CDH4: variants seen among roughly 807,000 people sequenced by gnomAD.
CDH4 encodes cadherin 4.
Under a neutral mutation model 86.0 loss-of-function variants are expected in CDH4, and 33 were observed. That is an observed-to-expected ratio of 0.38 (90% CI 0.29 to 0.51). CDH4 has a LOEUF of 0.51. CDH4 is among the 20% of genes least tolerant of loss of function. The probability of loss-of-function intolerance (pLI) is 0.86; values close to 1 mark genes in which losing one functional copy is unlikely to be tolerated. For missense variants in CDH4, 1,114 were observed against 1,307.4 expected (o/e 0.85, Z 2.28); for synonymous variants, 555 against 549.4 (o/e 1.01, Z -0.14).
Position 61,518,981 on chromosome 20 carries a change from CTTCATCCATCCA to C in CDH4, c.170-224572_170-224561del, listed in dbSNP as rs1403446666. On this transcript the variant is annotated intron_variant, in intron 2 of 15. Coordinates refer to ENST00000614565, the MANE Select transcript of CDH4 (RefSeq NM_001794.5). The surrounding 1 kb of genome is among the most constrained non-coding windows in gnomAD (Gnocchi z 6.3). ...TCCATTATTTATCCATCCATCCATC[CTTCATCCATCCA>C]TTCATCCATGCATTCCCAGGATGCA... is the stretch of plus-strand genomic sequence containing the variant. Among the ~76,000 whole-genome samples, 1 of 151,408 alleles carries C rather than the reference CTTCATCCATCCA, an allele frequency of 6.6e-6. No individual in the cohort carries two copies. The highest frequency in any genetic ancestry group is 2.4e-5 in the African/African-American group (1 of 41,016).
intron 3 of CDH4, among the ~76,000 whole-genome samples, chr20:61,772,397 A>C (rs2088785395): frequency 6.6e-6 from 1 of 152,226 alleles, no homozygotes; most frequent in Non-Finnish European, 1.5e-5. Context: ...TTAGATATGC[A>C]TTATTTGATT....
intron 2 of CDH4, among the ~76,000 whole-genome samples, chr20:61,398,296 G>T (rs994962731): frequency 6.6e-6 from 1 of 152,222 alleles, no homozygotes; most frequent in Non-Finnish European, 1.5e-5. Flanking sequence ...GTTCCTGAGA[G>T]CACTGTTAAC....
chr20:61,654,282 A>T (rs2087162910), intron 2 of CDH4, among the ~76,000 whole-genome samples: 1 of 152,216 alleles, frequency 6.6e-6, no homozygotes, highest in Non-Finnish European at 1.5e-5. Flanking sequence ...AAAACCAGTC[A>T]GGCGTGGTGG....
chr20:61,369,728 C>G (rs1169602056), intron 2 of CDH4, among the ~76,000 whole-genome samples: 1 of 150,852 alleles, frequency 6.6e-6, no homozygotes, highest in African/African-American at 2.4e-5. Context: ...AAAGTTAAAA[C>G]CAACCAAAAA....
chr20:61,824,933 G>T (rs990061337), intron 4 of CDH4, among the ~76,000 whole-genome samples: 1 of 152,188 alleles, frequency 6.6e-6, no homozygotes, highest in Non-Finnish European at 1.5e-5. Flanking sequence ...TGAAAAGTCA[G>T]ATCGTCTTTC....
At chr20:61,858,421 GTGTGTCTGTGTCTATGTGTGTCTC>G (rs1983161716) in intron 6 of CDH4, among the ~76,000 whole-genome samples, 1 of 151,716 alleles carries the variant, frequency 6.6e-6, no homozygotes, top group South Asian at 2.1e-4. Flanking sequence ...GCGTCTGTGT[GTGTGTCTGTGTCTATGTGTGTCTC>G]TGTGTCTGTA....
At chr20:61,731,248 G>A (rs1197005129) in intron 2 of CDH4, among the ~76,000 whole-genome samples, 1 of 152,118 alleles carries the variant, frequency 6.6e-6, no homozygotes, top group African/African-American at 2.4e-5. Context: ...GGTCTCCTGA[G>A]GGATTTTGGC....
intron 2 of CDH4, among the ~76,000 whole-genome samples, chr20:61,348,879 G>T (rs889385162): frequency 6.6e-6 from 1 of 152,134 alleles, no homozygotes; most frequent in African/African-American, 2.4e-5. Context: ...ATTGACACAG[G>T]GTCTCTAAAA....
intron 2 of CDH4, among the ~76,000 whole-genome samples, chr20:61,382,930 C>T (rs907349048): frequency 1.3e-5 from 2 of 151,272 alleles, no homozygotes; most frequent in African/African-American, 4.9e-5. Flanking sequence ...AGGATATAGA[C>T]ATGTTTTTTT....
intron 2 of CDH4, among the ~76,000 whole-genome samples, chr20:61,390,976 T>C (rs1248817491): frequency 2.0e-5 from 3 of 152,236 alleles, no homozygotes; most frequent in Non-Finnish European, 4.4e-5. Context: ...AAAAATTACT[T>C]ATTAAAGAGA....
chr20:61,305,356 C>T (rs1037790359), intron 2 of CDH4, among the ~76,000 whole-genome samples: 1 of 152,160 alleles, frequency 6.6e-6, no homozygotes. Context: ...ATCTAGTGAT[C>T]AGTGTGCTGT....
At chr20:61,341,040 G>A (rs940447557) in intron 2 of CDH4, among the ~76,000 whole-genome samples, 12 of 152,296 alleles carry the variant, frequency 7.9e-5, no homozygotes, top group African/African-American at 2.4e-4. Context: ...ACACGAGGCC[G>A]CTTGGGATGA....
chr20:61,356,986 G>A (rs891566987), intron 2 of CDH4, among the ~76,000 whole-genome samples: 2 of 152,200 alleles, frequency 1.3e-5, no homozygotes, highest in African/African-American at 4.8e-5. Flanking sequence ...GAGGGAATCT[G>A]TAGTGGGCCT....
chr20:61,824,008 A>G (rs1981190541), intron 4 of CDH4, among the ~76,000 whole-genome samples: 1 of 152,212 alleles, frequency 6.6e-6, no homozygotes, highest in Non-Finnish European at 1.5e-5. Context: ...ACTAAGGACC[A>G]TTATTTTGTT....
intron 2 of CDH4, among the ~76,000 whole-genome samples, chr20:61,720,452 G>C (rs1177637504): frequency 2.0e-5 from 3 of 148,566 alleles, no homozygotes; most frequent in Non-Finnish European, 4.5e-5. Context: ...TAGGGGTGCA[G>C]AGTGGAGGGG....
intron 2 of CDH4, among the ~76,000 whole-genome samples, chr20:61,654,157 C>T (rs1397609895): frequency 6.6e-6 from 1 of 152,162 alleles, no homozygotes; most frequent in African/African-American, 2.4e-5. Flanking sequence ...GTGAACCAGA[C>T]TCCGTCTGCA....
chr20:61,712,182 C>A lies in CDH4; in HGVS notation c.170-31381C>A, dbSNP rs6061761. On this transcript the variant is annotated intron_variant, in intron 2 of 15. Transcript: ENST00000614565. ...GGCTGAGTGGTCCAAGGGGCCGTCT[C>A]CACCAAGCCAAGTAAGCTGTGTCCA... Among the ~76,000 whole-genome samples the A allele has an allele frequency of 3.7e-3, 558 of 152,266 alleles. 5 individuals carry two copies. Among genetic ancestry groups the A allele is most frequent in the African/African-American group, 0.013 (541 of 41,554 alleles).
chr20:61,742,930 GT>G (rs2088361755), intron 2 of CDH4, among the ~76,000 whole-genome samples: 4 of 152,170 alleles, frequency 2.6e-5, no homozygotes. Context: ...AAAGCACTTG[GT>G]GGGGCCAGGG....
chr20:61,883,126 C>T (rs1274129899), intron 7 of CDH4, among the ~76,000 whole-genome samples: 6 of 151,344 alleles, frequency 4.0e-5, no homozygotes, highest in African/African-American at 1.5e-4. Context: ...TGCCCCAGGG[C>T]CTTCTCGCTG....
Sources: gnomAD v4.1 joint callset for allele counts (sites outside exome capture counted in the v4.1 genomes callset) on GRCh38, gnomAD v4.1.1 for gene constraint, Gnocchi (gnomAD v3.1) non-coding constraint, MANE v1.5 for transcripts, NCBI Gene and HGNC (gene_info 2026-07-23, HGNC 2026-07-21) for gene names.